CA10: variants seen among roughly 807,000 people sequenced by gnomAD.
The protein encoded by CA10 is carbonic anhydrase 10 (inactive).
In CA10, 14 loss-of-function variants were observed where a neutral mutation model predicts 44.2. That is an observed-to-expected ratio of 0.32 (90% CI 0.21 to 0.50). CA10 has a LOEUF of 0.50. CA10 is among the 20% of genes least tolerant of loss of function. CA10 has a pLI of 0.99. For missense variants in CA10, 350 were observed against 409.7 expected, an observed-to-expected ratio of 0.85 and a Z score of 1.26; for synonymous variants, 159 against 141.6, an observed-to-expected ratio of 1.12 and a Z score of -0.87.
At chr17:52,023,790 C>A (rs529962452) in intron 2 of CA10, among the ~76,000 whole-genome samples, 39 of 151,860 alleles carry the variant, frequency 2.6e-4, no homozygotes, top group African/African-American at 8.4e-4. Flanking sequence ...AAAAAAATGA[C>A]CCCATTAAAA....
chr17:51,736,645 G>A (rs1313539458), intron 4 of CA10, among the ~76,000 whole-genome samples: 3 of 152,160 alleles, frequency 2.0e-5, no homozygotes, highest in Admixed American at 6.5e-5. Flanking sequence ...GCAAGATGAC[G>A]AATTCACCCA....
Position 51,831,733 on chromosome 17 carries a change from A to AGCAGCAGCAGC in CA10, c.280-83916_280-83915insGCTGCTGCTGC, listed in dbSNP as rs1567854687. Among the ~76,000 whole-genome samples, 117 of 121,564 alleles carry AGCAGCAGCAGC rather than the reference A, an allele frequency of 9.6e-4. 11 individuals are homozygous for AGCAGCAGCAGC. The highest frequency in any genetic ancestry group is 4.2e-3 in the Middle Eastern group (1 of 238). The allele number at this position is 121,564 out of a possible 152,430, so 79.8% of individuals were successfully genotyped here. Reference sequence around the variant, plus strand: ...GCAGCAGCAGCAGCAGCAGCAGCAGAAAAAGACCTTCCTTCCACCTTATTT... The same window carrying AGCAGCAGCAGC: ...GCAGCAGCAGCAGCAGCAGCAGCAGAGCAGCAGCAGCAAAAGACCTTCCTTCCACCTTATTT... On this transcript the variant is annotated intron_variant, in intron 3 of 8. Transcript: ENST00000451037.
chr17:51,941,590 G>A (rs1161436159), intron 2 of CA10, among the ~76,000 whole-genome samples: 1 of 152,086 alleles, frequency 6.6e-6, no homozygotes, highest in African/African-American at 2.4e-5. Context: ...TGAAGAAAAC[G>A]ACCAGGCTGA....
intron 1 of CA10, among the ~76,000 whole-genome samples, chr17:52,124,658 C>T (rs937487620): frequency 1.8e-4 from 28 of 152,246 alleles, no homozygotes; most frequent in Non-Finnish European, 7.3e-5. Context: ...AGTACCCAAA[C>T]CATGCTAACC....
chr17:51,921,301 C>T (rs543994662), intron 3 of CA10, among the ~76,000 whole-genome samples: 9 of 152,250 alleles, frequency 5.9e-5, no homozygotes, highest in Admixed American at 2.0e-4. Flanking sequence ...TTCTGTGCCA[C>T]GGGTCTCCAT....
At chr17:52,072,154 A>C (rs1987696110) in intron 2 of CA10, among the ~76,000 whole-genome samples, 165 bp downstream of exon 2, 2 of 152,246 alleles carry the variant, frequency 1.3e-5, no homozygotes, top group Admixed American at 1.3e-4. Context: ...TGGAAAAAAA[A>C]GTAATCTAAT....
At chr17:52,079,011 G>T (rs1987892130) in intron 1 of CA10, among the ~76,000 whole-genome samples, 1 of 152,220 alleles carries the variant, frequency 6.6e-6, no homozygotes, top group Non-Finnish European at 1.5e-5. Context: ...ATTTGGCCGG[G>T]TGTGGTGGCT....
At chr17:51,869,294 C>T (rs549842471) in intron 3 of CA10, among the ~76,000 whole-genome samples, 23 of 152,158 alleles carry the variant, frequency 1.5e-4, no homozygotes, top group African/African-American at 3.9e-4. Flanking sequence ...AGGAAAAGAC[C>T]CCAATGTCAT....
At chr17:52,069,061 A>T (rs2191412) in intron 2 of CA10, among the ~76,000 whole-genome samples, 1 of 152,164 alleles carries the variant, frequency 6.6e-6, no homozygotes, top group East Asian at 1.9e-4. Flanking sequence ...CTTTGGGGAC[A>T]TTGGTCTTTT....
At chr17:51,746,495 G>A (rs952778894) in intron 4 of CA10, among the ~76,000 whole-genome samples, 1 of 152,188 alleles carries the variant, frequency 6.6e-6, no homozygotes, top group African/African-American at 2.4e-5. Context: ...AGTTCAAGGG[G>A]CACCTTCTCT....
At chr17:51,676,205 G>A (rs1232396997) in intron 4 of CA10, among the ~76,000 whole-genome samples, 1 of 152,212 alleles carries the variant, frequency 6.6e-6, no homozygotes, top group South Asian at 2.1e-4. Flanking sequence ...CCACCAAACT[G>A]TTTTCCTATA....
At chr17:51,980,117 C>G (rs1984601315) in intron 2 of CA10, among the ~76,000 whole-genome samples, 1 of 152,158 alleles carries the variant, frequency 6.6e-6, no homozygotes, top group South Asian at 2.1e-4. Context: ...CTGCTTTCCA[C>G]AATGGTTGAA....
intron 2 of CA10, among the ~76,000 whole-genome samples, chr17:52,020,166 T>C (rs1399587024): frequency 6.6e-6 from 1 of 152,048 alleles, no homozygotes; most frequent in African/African-American, 2.4e-5. Context: ...TTACCGCTGG[T>C]AATATTTTTT....
At chr17:51,664,482 C>A (rs907522595) in intron 4 of CA10, among the ~76,000 whole-genome samples, 2 of 150,962 alleles carry the variant, frequency 1.3e-5, no homozygotes, top group Admixed American at 1.3e-4. Context: ...TATGGAGTAC[C>A]TGTATTTAGA....
intron 2 of CA10, among the ~76,000 whole-genome samples, chr17:52,052,321 G>A (rs1987101705): frequency 6.9e-6 from 1 of 145,522 alleles, no homozygotes; most frequent in African/African-American, 2.5e-5. Flanking sequence ...AAAAAAGACA[G>A]GCATTCACCA....
At chr17:52,082,715 T>C (rs1200337837) in intron 1 of CA10, among the ~76,000 whole-genome samples, 2 of 152,226 alleles carry the variant, frequency 1.3e-5, no homozygotes, top group Admixed American at 6.5e-5. Flanking sequence ...ATTCTGGTGG[T>C]ACTTTCAGGA....
intron 3 of CA10, among the ~76,000 whole-genome samples, chr17:51,796,141 C>T (rs76699085): frequency 0.013 from 2,010 of 152,216 alleles, 15 homozygotes; most frequent in South Asian, 0.025. Flanking sequence ...TCTTTCCTAA[C>T]GCCACCCGAG....
intron 3 of CA10, among the ~76,000 whole-genome samples, chr17:51,768,416 G>A (rs570274864): frequency 6.6e-6 from 1 of 152,120 alleles, no homozygotes; most frequent in Admixed American, 6.5e-5. Flanking sequence ...AAGTTTCTAC[G>A]ATTGCCAATA....
chr17:51,779,031 T>A (rs1598040908), intron 3 of CA10, among the ~76,000 whole-genome samples: 1 of 152,116 alleles, frequency 6.6e-6, no homozygotes, highest in Non-Finnish European at 1.5e-5. Context: ...TGGCAGGAAG[T>A]ACAGAGCCTG....
Sources: allele counts gnomAD v4.1 joint callset (sites outside exome capture counted in the v4.1 genomes callset), GRCh38; gene constraint gnomAD v4.1.1; transcripts MANE v1.5; gene names NCBI Gene and HGNC (gene_info 2026-07-23, HGNC 2026-07-21).